The following PRKCE variants were observed in gnomAD, a reference collection of about 807,000 sequenced individuals.
The protein encoded by PRKCE is protein kinase C epsilon, also known as protein kinase C epsilon type.
Under a neutral mutation model 85.4 loss-of-function variants are expected in PRKCE, and 16 were observed. The observed-to-expected ratio is 0.19, with a 90% CI of 0.13 to 0.28. The LOEUF (loss-of-function observed/expected upper bound fraction) is 0.28, where lower values mean the gene tolerates loss of function less well. PRKCE is among the 10% of genes least tolerant of loss of function. The pLI is 1.00. For missense variants in PRKCE, 573 were observed against 975.2 expected (o/e 0.59, Z 5.49); for synonymous variants, 388 against 371.5 (o/e 1.04, Z -0.51).
chr2:45,733,868 G>C (rs752070937), intron 1 of PRKCE, among the ~76,000 whole-genome samples: 1 of 152,194 alleles, frequency 6.6e-6, no homozygotes, highest in East Asian at 1.9e-4. Context: ...GCTGGCCCCT[G>C]CCTTCTCAGA....
intron 1 of PRKCE, among the ~76,000 whole-genome samples, chr2:45,814,977 T>C (rs1435920422): frequency 6.6e-6 from 1 of 152,148 alleles, no homozygotes; most frequent in Admixed American, 6.5e-5. Context: ...TCCTTTCTGC[T>C]CCAAAGCTCC....
chr2:45,984,029 C>T (rs1021618812), intron 5 of PRKCE, among the ~76,000 whole-genome samples: 2 of 151,262 alleles, frequency 1.3e-5, no homozygotes, highest in East Asian at 3.9e-4. Flanking sequence ...CCTCTGCCTC[C>T]CGGATTCAAG....
At chr2:46,163,690 C>G (rs547071375) in intron 14 of PRKCE, among the ~76,000 whole-genome samples, 1 of 136,386 alleles carries the variant, frequency 7.3e-6, no homozygotes, top group African/African-American at 2.8e-5. Context: ...CTGAGAGACA[C>G]GGGGAAGCTG....
chr2:45,918,901 T>A (rs919203128), intron 2 of PRKCE, among the ~76,000 whole-genome samples: 1 of 152,204 alleles, frequency 6.6e-6, no homozygotes, highest in Non-Finnish European at 1.5e-5. Flanking sequence ...TCACAGCTCC[T>A]TTCACCATCT....
chr2:45,866,515 G>A (rs1693626292), intron 2 of PRKCE, among the ~76,000 whole-genome samples: 1 of 151,928 alleles, frequency 6.6e-6, no homozygotes, highest in Non-Finnish European at 1.5e-5. Flanking sequence ...CACCGTGTTA[G>A]CCAGGATGGT....
At chr2:46,129,244 C>T (rs940709401) in intron 11 of PRKCE, among the ~76,000 whole-genome samples, 12 of 152,190 alleles carry the variant, frequency 7.9e-5, no homozygotes, top group African/African-American at 2.7e-4. Flanking sequence ...TGGTTTTCTC[C>T]TTGTTTCACA....
chr2:45,937,209 C>T (rs951229741), intron 2 of PRKCE, among the ~76,000 whole-genome samples: 14 of 152,228 alleles, frequency 9.2e-5, no homozygotes, highest in African/African-American at 3.4e-4. Flanking sequence ...AAAATAATTG[C>T]ACTTAAATAA....
chr2:45,703,801 A>G (rs1678882053), intron 1 of PRKCE, among the ~76,000 whole-genome samples: 1 of 152,084 alleles, frequency 6.6e-6, no homozygotes, highest in Admixed American at 6.5e-5. Context: ...ATTCTTTGGA[A>G]AACTATCTTT....
intron 10 of PRKCE, among the ~76,000 whole-genome samples, chr2:46,035,921 C>T (rs962990359): frequency 2.6e-5 from 4 of 152,148 alleles, no homozygotes; most frequent in Non-Finnish European, 5.9e-5. Context: ...AAGGCAATAA[C>T]GGATTAAAAA....
chr2:46,026,877 G>A (rs1021655752), intron 10 of PRKCE, among the ~76,000 whole-genome samples: 2 of 152,196 alleles, frequency 1.3e-5, no homozygotes, highest in African/African-American at 4.8e-5. Flanking sequence ...GGAAACACAT[G>A]GGTGATGAAA....
rs1000200927 is a variant in PRKCE at position 46,187,822 on chromosome 2, T to C, written c.*2941T>C. 6.6e-6 allele frequency: 1 copy of C among 152,468 alleles called. No individual in the cohort carries two copies. The highest frequency in any genetic ancestry group is 1.5e-5 in the Non-Finnish European group (1 of 68,004). The allele number at this position is 152,468 out of a possible 1,614,324, so 9.4% of individuals were successfully genotyped here. A position where few individuals can be genotyped will look rare whatever the true frequency, so the allele number is the denominator to read the frequency against. On this transcript the variant is annotated 3_prime_UTR_variant, in exon 15 of 15. Coordinates refer to ENST00000306156, the MANE Select transcript of PRKCE (RefSeq NM_005400.3). ...ATTTTAGGATTTTTTTTTTTTGTAT[T>C]GTGATGCTTTATTTGTACATTTTTT...
chr2:45,973,841 G>A (rs1702262499), intron 2 of PRKCE, among the ~76,000 whole-genome samples: 2 of 152,196 alleles, frequency 1.3e-5, no homozygotes, highest in Non-Finnish European at 2.9e-5. Flanking sequence ...GTTCCTTTGA[G>A]AAAATTAGAT....
chr2:45,879,331 G>A (rs1047469465), intron 2 of PRKCE, among the ~76,000 whole-genome samples: 1 of 152,174 alleles, frequency 6.6e-6, no homozygotes, highest in African/African-American at 2.4e-5. Context: ...TTCCTGCTGA[G>A]AGCCACTTCC....
rs564701474 is a variant in PRKCE, at chr2:45,772,414, C to T, written c.349-70586C>T. 2.0e-5 allele frequency among the ~76,000 whole-genome samples: 3 copies of T among 152,214 alleles called. No homozygotes were observed. In the South Asian group the frequency reaches 6.2e-4, roughly 32 times the overall value. On this transcript the variant is annotated intron_variant, in intron 1 of 14. Transcript: ENST00000306156. ...GAGGGATTTAGGAACCTGGGAGGGA[C>T]AGTCTCCTATCTCCAAGGGTCACAA...
chr2:45,897,847 T>C (rs1043453349), intron 2 of PRKCE, among the ~76,000 whole-genome samples: 2 of 152,200 alleles, frequency 1.3e-5, no homozygotes, highest in African/African-American at 4.8e-5. Flanking sequence ...AATTAAATTA[T>C]TTGAGTTAAG....
chr2:45,870,714 A>T (rs1694023777), intron 2 of PRKCE, among the ~76,000 whole-genome samples: 1 of 152,210 alleles, frequency 6.6e-6, no homozygotes, highest in Admixed American at 6.5e-5. Flanking sequence ...TCCAGTTTCT[A>T]TCGGTTACCT....
intron 2 of PRKCE, among the ~76,000 whole-genome samples, chr2:45,963,712 C>T (rs56208251): frequency 0.012 from 1,769 of 152,332 alleles, 39 homozygotes; most frequent in African/African-American, 0.04. Context: ...GAAATTCTTC[C>T]TTCCCAGGTC....
At chr2:45,788,211 G>A (rs1213203531) in intron 1 of PRKCE, among the ~76,000 whole-genome samples, 7 of 152,276 alleles carry the variant, frequency 4.6e-5, no homozygotes, top group Middle Eastern at 3.4e-3. Context: ...AGCTAAAGGC[G>A]TATTCCTTAA....
intron 1 of PRKCE, among the ~76,000 whole-genome samples, chr2:45,759,322 A>G (rs988934645): frequency 5.3e-5 from 8 of 152,236 alleles, no homozygotes; most frequent in Non-Finnish European, 1.2e-4. Context: ...TAAGGAGCAC[A>G]TTAGGCTGAC....
Sources: allele counts gnomAD v4.1 joint callset (sites outside exome capture counted in the v4.1 genomes callset), GRCh38; gene constraint gnomAD v4.1.1; transcripts MANE v1.5; gene names NCBI Gene and HGNC (gene_info 2026-07-23, HGNC 2026-07-21).